Variants in MAP4K4 observed in about 807,000 individuals in gnomAD.
The protein encoded by MAP4K4 is mitogen-activated protein kinase kinase kinase kinase 4.
In MAP4K4, 38 loss-of-function variants were observed where a neutral mutation model predicts 189.6. That is an observed-to-expected ratio of 0.20 (90% confidence interval 0.15 to 0.26). The LOEUF (loss-of-function observed/expected upper bound fraction) is 0.26, where lower values mean the gene tolerates loss of function less well. MAP4K4 is among the 10% of genes least tolerant of loss of function. The pLI is 1.00. For synonymous variants in MAP4K4, 610 were observed against 624.3 expected (o/e 0.98, Z 0.34); for missense variants, 1,054 against 1,726.9 (o/e 0.61, Z 6.91).
At chr2:101,781,002 G>A (rs1046415986) in intron 2 of MAP4K4, among the ~76,000 whole-genome samples, 1 of 152,218 alleles carries the variant, frequency 6.6e-6, no homozygotes, top group African/African-American at 2.4e-5. Context: ...GGTTTTTCAA[G>A]TGAGCAAAGA....
chr2:101,790,850 T>TA lies in MAP4K4; in HGVS notation c.180+75dup, dbSNP rs2092755778. 4 of 1,268,068 alleles carry TA rather than the reference T, an allele frequency of 3.2e-6. No homozygotes were observed. In the Admixed American group the frequency reaches 7.9e-5, roughly 25 times the overall value. The allele number at this position is 1,268,068 out of a possible 1,614,324, so 78.6% of individuals were successfully genotyped here. A position where few individuals can be genotyped will look rare whatever the true frequency, so the allele number is the denominator to read the frequency against. ...AGATTCCCCCAACAACACAGAGTATTACTCTGTTTGGAAAATCTGATTACT... is the reference window on the plus strand; with the variant it reads ...AGATTCCCCCAACAACACAGAGTATTAACTCTGTTTGGAAAATCTGATTACT... On this transcript the variant is annotated intron_variant, in intron 3 of 32. Coordinates refer to ENST00000324219, the Ensembl canonical transcript of MAP4K4.
rs1330103759 is a variant in MAP4K4, at chr2:101,710,450, C to T, written c.123+11912C>T. Among the ~76,000 whole-genome samples, 3 of 152,272 alleles carry T rather than the reference C, an allele frequency of 2.0e-5. No individual in the cohort carries two copies. The East Asian group carries it at 5.8e-4, about 29-fold the overall frequency. ...TTCACTGTCTACAGATATTTTGAGC[C>T]TACTCTGCTAGTCAAGATTTCCTTT... On this transcript the variant is annotated intron_variant, in intron 2 of 32. Transcript: ENST00000324219.
At chr2:101,716,845 A>C (rs776142706) in intron 2 of MAP4K4, among the ~76,000 whole-genome samples, 3 of 152,104 alleles carry the variant, frequency 2.0e-5, no homozygotes, top group Non-Finnish European at 4.4e-5. Flanking sequence ...TTTGTTTCCC[A>C]TATCTCAGTT....
chr2:101,713,661 G>A (rs1437412076), intron 2 of MAP4K4, among the ~76,000 whole-genome samples: 1 of 151,378 alleles, frequency 6.6e-6, no homozygotes, highest in African/African-American at 2.4e-5. Flanking sequence ...TTGGGAGGCT[G>A]GGGCAGGTGG....
exon 33 of MAP4K4, chr2:101,892,593 C>G: frequency 3.5e-6 from 1 of 282,852 alleles, no homozygotes. Context: ...GGGGGAGTTT[C>G]CCTTTTCTAA....
At chr2:101,820,356 C>T (rs960554321) in intron 3 of MAP4K4, among the ~76,000 whole-genome samples, 9 of 152,142 alleles carry the variant, frequency 5.9e-5, no homozygotes, top group Non-Finnish European at 1.2e-4. Flanking sequence ...CAAGTCTGGA[C>T]AGTCCAGTAA....
At chr2:101,800,260 A>C (rs1234808708) in intron 3 of MAP4K4, among the ~76,000 whole-genome samples, 1 of 152,088 alleles carries the variant, frequency 6.6e-6, no homozygotes, top group Admixed American at 6.6e-5. Context: ...TTCCCGAGTA[A>C]CTGGGACTAA....
intron 3 of MAP4K4, among the ~76,000 whole-genome samples, chr2:101,806,305 T>TTCG (rs1224007950): frequency 1.3e-5 from 2 of 152,064 alleles, no homozygotes; most frequent in African/African-American, 4.8e-5. Context: ...GGATCTTTCT[T>TTCG]TCGTGAATGA....
At chr2:101,803,938 T>A (rs2094638423) in intron 3 of MAP4K4, among the ~76,000 whole-genome samples, 1 of 152,156 alleles carries the variant, frequency 6.6e-6, no homozygotes, top group Non-Finnish European at 1.5e-5. Context: ...TAAAATGGGA[T>A]TAGGGAGCCA....
In MAP4K4 at chr2:101,834,364, TTGTATCTACTCCAGTATCTGTAACGTAC is replaced by T; in HGVS notation, c.640-41_640-14del. On this transcript the variant is annotated splice_polypyrimidine_tract_variant and intron_variant, in intron 7 of 32. Coordinates refer to ENST00000324219, the Ensembl canonical transcript of MAP4K4. ...TACCCAGACATGTAAGTTAGTGGCT[TTGTATCTACTCCAGTATCTGTAACGTAC>T]TGTTTTATTTTTGCAGAGTGATCTT... The T allele has an allele frequency of 6.9e-7, 1 of 1,446,928 alleles. No individual in the cohort carries two copies. Among genetic ancestry groups the T allele is most frequent in the Non-Finnish European group, 9.6e-7 (1 of 1,041,504 alleles). The allele number at this position is 1,446,928 out of a possible 1,614,324, so 89.6% of individuals were successfully genotyped here.
intron 26 of MAP4K4, among the ~76,000 whole-genome samples, chr2:101,876,443 AACTG>A (rs1405359357): frequency 5.9e-5 from 9 of 152,302 alleles, no homozygotes; most frequent in Admixed American, 5.2e-4. Flanking sequence ...AGGACAAGAG[AACTG>A]ACTACAGTTG....
chr2:101,751,589 A>G (rs1032291715), intron 2 of MAP4K4, among the ~76,000 whole-genome samples: 3 of 152,250 alleles, frequency 2.0e-5, no homozygotes, highest in Admixed American at 6.5e-5. Flanking sequence ...TAAAATGGAA[A>G]GAAATGCATG....
intron 26 of MAP4K4, 95 bp downstream of exon 26, chr2:101,874,347 A>G: frequency 8.6e-7 from 1 of 1,159,056 alleles, no homozygotes; most frequent in South Asian, 1.5e-5. Context: ...TTGTGGATAG[A>G]CAGGATGGAA....
chr2:101,830,058 T>G (rs2096549283), intron 6 of MAP4K4, among the ~76,000 whole-genome samples: 1 of 152,176 alleles, frequency 6.6e-6, no homozygotes, highest in Non-Finnish European at 1.5e-5. Context: ...GCATGACTAT[T>G]TCCCATTGGG....
chr2:101,763,885 T>C (rs2077478340), intron 2 of MAP4K4, among the ~76,000 whole-genome samples: 1 of 152,096 alleles, frequency 6.6e-6, no homozygotes, highest in Admixed American at 6.5e-5. Context: ...TAAAAAAAAA[T>C]CAGTGTTTCA....
chr2:101,873,152 A>G (rs2098101626), intron 24 of MAP4K4, among the ~76,000 whole-genome samples: 1 of 152,208 alleles, frequency 6.6e-6, no homozygotes, highest in Admixed American at 6.5e-5. Flanking sequence ...TGCACCTAAA[A>G]CAACAGTAGC....
chr2:101,874,810 C>T (rs1315873718), intron 26 of MAP4K4, among the ~76,000 whole-genome samples: 2 of 152,178 alleles, frequency 1.3e-5, no homozygotes, highest in Non-Finnish European at 2.9e-5. Flanking sequence ...AATTATACAA[C>T]TTGGAAATAT....
At chr2:101,771,063 A>C (rs866338397) in intron 2 of MAP4K4, among the ~76,000 whole-genome samples, 1 of 152,234 alleles carries the variant, frequency 6.6e-6, no homozygotes, top group Non-Finnish European at 1.5e-5. Flanking sequence ...TCTGCTTTTA[A>C]AAAGTAATAA....
At chr2:101,796,243 A>C (rs1426642871) in intron 3 of MAP4K4, among the ~76,000 whole-genome samples, 3 of 152,232 alleles carry the variant, frequency 2.0e-5, no homozygotes, top group Admixed American at 2.0e-4. Context: ...CTATTGGACC[A>C]GCAGCTGCTG....
Sources: allele counts gnomAD v4.1 joint callset (sites outside exome capture counted in the v4.1 genomes callset), GRCh38; gene constraint gnomAD v4.1.1; transcripts MANE v1.5; gene names NCBI Gene and HGNC (gene_info 2026-07-23, HGNC 2026-07-21).